The following MCUR1 variants were observed in gnomAD, a reference collection of about 807,000 sequenced individuals.
The protein encoded by MCUR1 is mitochondrial calcium uniporter regulator 1, also known as MCU regulator 1.
A neutral mutation model predicts 42.0 loss-of-function variants in MCUR1; 37 were observed. The observed-to-expected ratio is 0.88, with a 90% CI of 0.68 to 1.16. The LOEUF (loss-of-function observed/expected upper bound fraction) is 1.16, where lower values mean the gene tolerates loss of function less well. MCUR1 is among the 50% of genes most tolerant of loss of function. MCUR1 has a pLI of 0.00. For missense variants in MCUR1, 469 were observed against 468.4 expected, an observed-to-expected ratio of 1.00 and a Z score of -0.01; for synonymous variants, 229 against 196.2, an observed-to-expected ratio of 1.17 and a Z score of -1.40.
rs781020521 is a variant in MCUR1, at chr6:13,806,927, T to C, written c.533A>G (p.Asn178Ser). 3 of 1,600,382 alleles carry C rather than the reference T, an allele frequency of 1.9e-6. No homozygotes were observed. Among genetic ancestry groups the C allele is most frequent in the Non-Finnish European group, 2.6e-6 (3 of 1,170,682 alleles). Residue 178 changes from asparagine (N) to serine (S), a missense_variant and splice_region_variant, in exon 2 of 9, where the codon AAT becomes AGT. Physicochemically the swap from Asn to Ser is conservative, Grantham distance 46. Coordinates refer to ENST00000379170, the MANE Select transcript of MCUR1 (RefSeq NM_001031713.4). ...AATGACGAATGACAGAGGATTACCA[T>C]TGTCTTCCAGTAAGCACACTAAGGC... is the stretch of plus-strand genomic sequence containing the variant. ...THALVCLLED[N>S]GFATQQAEII...
rs1431493375 is a variant in MCUR1, at chr6:13,790,776, A to G, written c.*33T>C. On this transcript the variant is annotated 3_prime_UTR_variant, in exon 9 of 9. Transcript: ENST00000379170. ...CCAACAATCTGGTATTCTTAAGGCAAAACAGTAGAAATCACTTTAAATAGA... is the reference window on the plus strand; with the variant it reads ...CCAACAATCTGGTATTCTTAAGGCAGAACAGTAGAAATCACTTTAAATAGA... The G allele has an allele frequency of 1.3e-6, 2 of 1,577,444 alleles. No individual in the cohort carries two copies. Among genetic ancestry groups the G allele is most frequent in the Non-Finnish European group, 1.7e-6 (2 of 1,150,738 alleles).
chr6:13,798,924 CAAAG>C lies in MCUR1; in HGVS notation c.784-24_784-21del, dbSNP rs746333062. 22 of 1,436,252 alleles carry C rather than the reference CAAAG, an allele frequency of 1.5e-5. 1 individual carries two copies. In the East Asian group the frequency reaches 5.0e-4, roughly 33 times the overall value. 89.0% of individuals were successfully genotyped at this position (1,436,252 alleles called of 1,614,324 possible). Reference sequence around the variant, plus strand: ...TTCATCCTAAAAGGAGGGCAAACAACAAAGAAGGAAAAATCCAAAGTAAGAAACC... The same window carrying C: ...TTCATCCTAAAAGGAGGGCAAACAACAAGGAAAAATCCAAAGTAAGAAACC... On this transcript the variant is annotated intron_variant, in intron 5 of 8. Transcript: ENST00000379170.
chr6:13,801,530 A>G (rs1483804062), intron 3 of MCUR1, 141 bp from the exon 4 acceptor site: 4 of 594,336 alleles, frequency 6.7e-6, no homozygotes, highest in Non-Finnish European at 1.2e-5. Flanking sequence ...CCTTTATTCC[A>G]AAAGGGGAAA....
At position 13,814,409 on chromosome 6, in the gene MCUR1, G is replaced by A; in HGVS notation, c.21C>T (p.Gly7=). Residue 7 remains glycine (G), a synonymous_variant, in exon 1 of 9, where the codon GGC becomes GGT. Coordinates refer to ENST00000379170, the MANE Select transcript of MCUR1 (RefSeq NM_001031713.4). MDCGSV[G]GQRTQRLPGR... ...CGGGCAGGCGCTGGGTCCTCTGGCC[G>A]CCGACCGAGCCGCAGTCCATCCCCG... is the stretch of plus-strand genomic sequence containing the variant. 6 of 1,537,436 alleles carry A rather than the reference G, an allele frequency of 3.9e-6. No individual in the cohort carries two copies. Among genetic ancestry groups the A allele is most frequent in the Admixed American group, 1.9e-5 (1 of 52,562 alleles).
intron 1 of MCUR1, among the ~76,000 whole-genome samples, chr6:13,808,251 G>T (rs1649382277): frequency 6.6e-6 from 1 of 152,120 alleles, no homozygotes; most frequent in Non-Finnish European, 1.5e-5. Flanking sequence ...TGCAAGAAAT[G>T]TGTCTCTTTT....
intron 1 of MCUR1, among the ~76,000 whole-genome samples, chr6:13,807,972 T>A (rs1014969047): frequency 2.0e-5 from 3 of 152,196 alleles, no homozygotes; most frequent in African/African-American, 7.2e-5. Flanking sequence ...TGAACGTGTT[T>A]CCCAAAGTTT....
rs1198792205 is a variant in MCUR1 at position 13,786,879 on chromosome 6, A to G, written c.*3930T>C. 6.6e-6 allele frequency: 1 copy of G among 152,236 alleles called. No individual in the cohort carries two copies. The highest frequency in any genetic ancestry group is 6.5e-5 in the Admixed American group (1 of 15,276). 9.4% of individuals were successfully genotyped at this position (152,236 alleles called of 1,614,324 possible). ...TGTGTAGAAAGATAAATATTTTCCAAATAAAATTCTAATAAAAGGCTAAAC... is the reference window on the plus strand; with the variant it reads ...TGTGTAGAAAGATAAATATTTTCCAGATAAAATTCTAATAAAAGGCTAAAC... On this transcript the variant is annotated 3_prime_UTR_variant, in exon 9 of 9. Coordinates refer to ENST00000379170, the MANE Select transcript of MCUR1 (RefSeq NM_001031713.4).
At position 13,814,165 on chromosome 6, in the gene MCUR1, G is replaced by C; in HGVS notation, c.265C>G (p.Leu89Val). The C allele has an allele frequency of 7.5e-7, 1 of 1,332,540 alleles. No individual in the cohort carries two copies. The highest frequency in any genetic ancestry group is 9.5e-7 in the Non-Finnish European group (1 of 1,048,922). 82.5% of individuals were successfully genotyped at this position (1,332,540 alleles called of 1,614,324 possible). ...AGGCGCGAGCGCTCCCAGTCCCCGA[G>C]CTGCCGGCGCGGGGCTGCGGCGGCC... ...RLAAAAPRRQ[L>V]GDWERSRLGY... The change falls in exon 1 of 9, where the codon CTC becomes GTC. Residue 89 changes from leucine to valine, a missense_variant. Physicochemically the swap from Leu to Val is conservative, Grantham distance 32. Coordinates refer to ENST00000379170, the MANE Select transcript of MCUR1 (RefSeq NM_001031713.4).
rs1357657846 is a variant in MCUR1 at position 13,814,259 on chromosome 6, C to G, written c.171G>C (p.Pro57=). 2 of 1,474,810 alleles carry G rather than the reference C, an allele frequency of 1.4e-6. No individual in the cohort carries two copies. Among genetic ancestry groups the G allele is most frequent in the Non-Finnish European group, 1.8e-6 (2 of 1,120,526 alleles). 91.4% of individuals were successfully genotyped at this position (1,474,810 alleles called of 1,614,324 possible). A position where few individuals can be genotyped will look rare whatever the true frequency, so the allele number is the denominator to read the frequency against. ...CACGTGACACGCCGCCGCGGGCCGC[C>G]GGGGCGCGAGGGCGCAGCGCCCCCA... is the stretch of plus-strand genomic sequence containing the variant. ...DGLGALRPRA[P]AARGGVSRAS... Residue 57 remains proline (P), a synonymous_variant, in exon 1 of 9, where the codon CCG becomes CCC. Coordinates refer to ENST00000379170, the MANE Select transcript of MCUR1 (RefSeq NM_001031713.4).
chr6:13,796,291 C>CTTTTTTTT (rs369077522), intron 6 of MCUR1, among the ~76,000 whole-genome samples: 1 of 139,264 alleles, frequency 7.2e-6, no homozygotes, highest in African/African-American at 2.7e-5. Context: ...TTTTTCTTTT[C>CTTTTTTTT]TTTTTTTTTT....
intron 6 of MCUR1, among the ~76,000 whole-genome samples, chr6:13,796,954 T>C (rs1262293476): frequency 1.3e-5 from 2 of 151,958 alleles, no homozygotes; most frequent in Admixed American, 1.3e-4. Context: ...CAGACACCAG[T>C]GACATGCTAT....
chr6:13,813,395 A>T (rs1196475180), intron 1 of MCUR1, among the ~76,000 whole-genome samples: 3 of 152,162 alleles, frequency 2.0e-5, no homozygotes, highest in African/African-American at 7.2e-5. Context: ...CGAATATATA[A>T]AAATTATTTG....
intron 6 of MCUR1, among the ~76,000 whole-genome samples, chr6:13,797,190 T>C (rs925911601): frequency 6.6e-6 from 1 of 152,212 alleles, no homozygotes; most frequent in Non-Finnish European, 1.5e-5. Flanking sequence ...TAAAAGCAAA[T>C]TGTCAAAAAT....
chr6:13,794,799 T>C (rs916538450), intron 6 of MCUR1, among the ~76,000 whole-genome samples: 7 of 151,906 alleles, frequency 4.6e-5, no homozygotes, highest in African/African-American at 1.2e-4. Flanking sequence ...TTAATAACAA[T>C]AAAAAAACCC....
intron 6 of MCUR1, among the ~76,000 whole-genome samples, chr6:13,794,676 G>C (rs1243392378): frequency 1.3e-5 from 2 of 149,956 alleles, no homozygotes; most frequent in African/African-American, 4.9e-5. Context: ...TTTTGAGATG[G>C]AGTCTCACTC....
At position 13,814,116 on chromosome 6, in the gene MCUR1, C is replaced by G. The variant is rs761342390; in HGVS notation, c.314G>C (p.Gly105Ala). Residue 105 changes from glycine (G) to alanine (A), a missense_variant, in exon 1 of 9, where the codon GGG becomes GCG. Transcript: ENST00000379170. Reference sequence around the variant, plus strand: ...TGAGCACCTCCACGCGCTGCTGCGCCCGGCCGGGGGTGCGGCATACCCGAG... The same window carrying G: ...TGAGCACCTCCACGCGCTGCTGCGCGCGGCCGGGGGTGCGGCATACCCGAG... ...SRLGYAAPPA[G>A]RSSAWRCSPG... The G allele has an allele frequency of 2.4e-6, 3 of 1,256,376 alleles. No individual in the cohort carries two copies. The highest frequency in any genetic ancestry group is 3.0e-6 in the Non-Finnish European group (3 of 1,005,038). 77.8% of individuals were successfully genotyped at this position (1,256,376 alleles called of 1,614,324 possible). A position where few individuals can be genotyped will look rare whatever the true frequency, so the allele number is the denominator to read the frequency against.
At chr6:13,793,125 C>CAAAAAAAAAAAAAA (rs781438643) in intron 7 of MCUR1, among the ~76,000 whole-genome samples, 8 of 87,838 alleles carry the variant, frequency 9.1e-5, no homozygotes, top group African/African-American at 2.3e-4. Context: ...GACCCCACCT[C>CAAAAAAAAAAAAAA]AAAAAAAAAA....
chr6:13,805,156 ATT>A (rs112255408), intron 2 of MCUR1, among the ~76,000 whole-genome samples: 8 of 143,604 alleles, frequency 5.6e-5, no homozygotes, highest in Admixed American at 7.0e-5. Flanking sequence ...CTGCTTATCA[ATT>A]TTTTTTTTTT....
In MCUR1 at chr6:13,793,764, A is replaced by C. The variant is rs1454314971; in HGVS notation, c.909+130T>G. 11 of 733,140 alleles carry C rather than the reference A, an allele frequency of 1.5e-5. No individual in the cohort carries two copies. In the East Asian group the frequency reaches 2.9e-4, roughly 19 times the overall value. 45.4% of individuals were successfully genotyped at this position (733,140 alleles called of 1,614,324 possible). On this transcript the variant is annotated intron_variant, in intron 7 of 8. Transcript: ENST00000379170. ...CTAATTTTTATGTTGTGTGTATTTT[A>C]GCACAATGTAAAAAATTCCCATGAC...
Sources: allele counts gnomAD v4.1 joint callset (sites outside exome capture counted in the v4.1 genomes callset), GRCh38; gene constraint gnomAD v4.1.1; transcripts MANE v1.5; gene names NCBI Gene and HGNC (gene_info 2026-07-23, HGNC 2026-07-21).